MKLN1: variants seen among roughly 807,000 people sequenced by gnomAD.
MKLN1 encodes the protein muskelin.
A neutral mutation model predicts 99.0 loss-of-function variants in MKLN1; 18 were observed. The observed-to-expected ratio is 0.18, with a 90% CI of 0.13 to 0.27. MKLN1 has a LOEUF of 0.27. Ranked by LOEUF, MKLN1 falls within the 10% of genes least tolerant of loss-of-function variation. The pLI is 1.00. For synonymous variants in MKLN1, 288 were observed against 293.2 expected, an observed-to-expected ratio of 0.98 and a Z score of 0.18; for missense variants, 621 against 875.9, an observed-to-expected ratio of 0.71 and a Z score of 3.67.
intron 3 of MKLN1, among the ~76,000 whole-genome samples, chr7:131,258,255 A>G (rs1379383932): frequency 2.6e-5 from 4 of 151,676 alleles, no homozygotes; most frequent in Non-Finnish European, 5.9e-5. Context: ...GCAATCTCCT[A>G]TTTATTGTCT....
At chr7:131,401,482 C>G (rs1015084528) in intron 6 of MKLN1, among the ~76,000 whole-genome samples, 39 of 152,128 alleles carry the variant, frequency 2.6e-4, no homozygotes, top group Admixed American at 2.2e-3. Flanking sequence ...GAAAAATTTT[C>G]TTTTGTGAGA....
chr7:131,283,344 C>CTT (rs1487970397), intron 3 of MKLN1, among the ~76,000 whole-genome samples: 1,035 of 14,708 alleles, frequency 0.07, 70 homozygotes, highest in African/African-American at 0.2. Flanking sequence ...CCTTCCCTTC[C>CTT]CCTCCTTCCT....
intron 10 of MKLN1, among the ~76,000 whole-genome samples, chr7:131,438,905 G>A (rs1264715717): frequency 2.0e-5 from 3 of 152,066 alleles, no homozygotes; most frequent in Non-Finnish European, 4.4e-5. Context: ...TGTCTTTATA[G>A]ATTTTTGTTA....
At chr7:131,325,369 T>C (rs1687383778), upstream of MKLN1, among the ~76,000 whole-genome samples, 1 of 151,940 alleles carries the variant, frequency 6.6e-6, no homozygotes, top group South Asian at 2.1e-4. Context: ...TGAAGAAAAC[T>C]GTCACCTAAT....
chr7:131,424,898 T>G (rs1795314337), intron 8 of MKLN1, among the ~76,000 whole-genome samples: 1 of 152,208 alleles, frequency 6.6e-6, no homozygotes. Context: ...TTCTCCACTG[T>G]CTGTGTGGAG....
chr7:131,347,281 G>T lies in MKLN1; in HGVS notation c.98+19284G>T, dbSNP rs375730963. Among the ~76,000 whole-genome samples, 290 of 152,334 alleles carry T rather than the reference G, an allele frequency of 1.9e-3. 8 individuals carry two copies. The South Asian group carries it at 0.056, about 30-fold the overall frequency. On this transcript the variant is annotated intron_variant, in intron 1 of 17. Coordinates refer to ENST00000352689, the MANE Select transcript of MKLN1 (RefSeq NM_013255.5). ...GCCTTGCTGATTGTCAAGAGAGTAAGTGCAAAAGTATCCATAATTAGTCTG... is the reference window on the plus strand; with the variant it reads ...GCCTTGCTGATTGTCAAGAGAGTAATTGCAAAAGTATCCATAATTAGTCTG...
At chr7:131,481,538 A>AT (rs1403515896) in intron 17 of MKLN1, among the ~76,000 whole-genome samples, 6 of 152,228 alleles carry the variant, frequency 3.9e-5, no homozygotes, top group Non-Finnish European at 5.9e-5. Context: ...TCTTGTCTCT[A>AT]TTTTTTTAAA....
chr7:131,492,271 A>T lies in MKLN1; in HGVS notation c.*4543A>T, dbSNP rs540764111. The T allele has an allele frequency of 6.6e-6, 1 of 152,292 alleles. No individual in the cohort carries two copies. Among genetic ancestry groups the T allele is most frequent in the South Asian group, 2.1e-4 (1 of 4,830 alleles). 9.4% of individuals were successfully genotyped at this position (152,292 alleles called of 1,614,324 possible). ...TCTATTCCTACCTCCCATGAGTAAC[A>T]TTGATTTCTGCTGAAGTTAGAATTT... On this transcript the variant is annotated 3_prime_UTR_variant, in exon 18 of 18. Transcript: ENST00000352689.
chr7:131,351,760 A>G (rs1214127341), intron 1 of MKLN1, among the ~76,000 whole-genome samples: 2 of 152,318 alleles, frequency 1.3e-5, no homozygotes, highest in African/African-American at 4.8e-5. Context: ...AGGTGGTGCC[A>G]TATACTTTGT....
intron 2 of MKLN1, among the ~76,000 whole-genome samples, chr7:131,383,207 A>G (rs530115933): frequency 6.6e-6 from 1 of 152,138 alleles, no homozygotes; most frequent in Non-Finnish European, 1.5e-5. Context: ...TATGGTCACA[A>G]ATTACACCTC....
rs115223944 is a variant in MKLN1 at position 131,432,233 on chromosome 7, C to T, written c.960+3088C>T. 9.2e-3 allele frequency among the ~76,000 whole-genome samples: 1,405 copies of T among 152,072 alleles called. 30 individuals are homozygous for T. The highest frequency in any genetic ancestry group is 0.031 in the African/African-American group (1,298 of 41,480). Reference sequence around the variant, plus strand: ...GAAATTAATACTAGAGAAAAGGGAACGATAAATACAAAATCCAGAGAGGGT... The same window carrying T: ...GAAATTAATACTAGAGAAAAGGGAATGATAAATACAAAATCCAGAGAGGGT... On this transcript the variant is annotated intron_variant, in intron 9 of 17. Coordinates refer to ENST00000352689, the MANE Select transcript of MKLN1 (RefSeq NM_013255.5).
chr7:131,122,389 G>T (rs970707431), intron 1 of MKLN1, among the ~76,000 whole-genome samples: 4 of 152,196 alleles, frequency 2.6e-5, no homozygotes, highest in African/African-American at 7.2e-5. Context: ...GAACCATATT[G>T]TTGCCATGTA....
intron 12 of MKLN1, among the ~76,000 whole-genome samples, chr7:131,457,850 G>A (rs992989282): frequency 4.6e-5 from 7 of 152,124 alleles, no homozygotes; most frequent in Non-Finnish European, 8.8e-5. Flanking sequence ...CACAGGCGGA[G>A]ATTGCAGTGA....
chr7:131,111,416 C>A (rs1795196581), intron 1 of MKLN1, among the ~76,000 whole-genome samples: 1 of 152,178 alleles, frequency 6.6e-6, no homozygotes, highest in Non-Finnish European at 1.5e-5. Flanking sequence ...TGCGTCACTG[C>A]CAGGGACACT....
At chr7:131,381,564 C>T (rs1793846292) in intron 2 of MKLN1, among the ~76,000 whole-genome samples, 4 of 152,004 alleles carry the variant, frequency 2.6e-5, no homozygotes, top group Admixed American at 2.6e-4. Flanking sequence ...GAGATAAAAG[C>T]ATAAGAAATC....
At chr7:131,232,288 C>A (rs1208243043) in intron 3 of MKLN1, among the ~76,000 whole-genome samples, 1 of 152,056 alleles carries the variant, frequency 6.6e-6, no homozygotes, top group Non-Finnish European at 1.5e-5. Context: ...TTATAGATCC[C>A]AGTGATGTTA....
chr7:131,205,946 C>T (rs540185020), intron 3 of MKLN1, among the ~76,000 whole-genome samples: 5 of 149,484 alleles, frequency 3.3e-5, no homozygotes, highest in South Asian at 4.2e-4. Context: ...CAGGCTGGAG[C>T]GCAAAGGCAT....
intron 17 of MKLN1, among the ~76,000 whole-genome samples, chr7:131,483,863 A>G (rs1040071663): frequency 4.6e-5 from 7 of 152,238 alleles, no homozygotes; most frequent in African/African-American, 9.6e-5. Context: ...GACCACAGAA[A>G]TACCACAAGT....
intron 7 of MKLN1, 73 bp from the exon 8 acceptor site, chr7:131,414,572 C>A: frequency 9.6e-7 from 1 of 1,044,054 alleles, no homozygotes; most frequent in Non-Finnish European, 1.4e-6. Flanking sequence ...TGATTACAGA[C>A]TTATGAATAA....
Sources: allele counts gnomAD v4.1 joint callset (sites outside exome capture counted in the v4.1 genomes callset), GRCh38; gene constraint gnomAD v4.1.1; transcripts MANE v1.5; gene names NCBI Gene and HGNC (gene_info 2026-07-23, HGNC 2026-07-21).